The following DPF2 variants were observed in gnomAD, a reference collection of about 807,000 sequenced individuals.
The protein encoded by DPF2 is zinc finger protein ubi-d4.
DPF2 carries 10 observed loss-of-function variants against 59.6 expected under a neutral mutation model. The observed-to-expected ratio is 0.17, with a 90% CI of 0.10 to 0.28. The LOEUF is 0.28. Among genes scored for constraint, DPF2 ranks in the 10% least tolerant of loss-of-function variants. The pLI is 1.00. For synonymous variants in DPF2, 189 were observed against 190.6 expected, an observed-to-expected ratio of 0.99 and a Z score of 0.07; for missense variants, 315 against 509.4, an observed-to-expected ratio of 0.62 and a Z score of 3.67.
chr11:65,336,782 T>A (rs2137681832), intron 1 of DPF2, among the ~76,000 whole-genome samples: 3 of 83,704 alleles, frequency 3.6e-5, no homozygotes, highest in East Asian at 3.9e-4. Flanking sequence ...CAAGACTCCA[T>A]CTCAAAAAAA....
At chr11:65,349,074 C>T (rs568036040) in intron 10 of DPF2, 143 bp downstream of exon 10, 173 of 819,946 alleles carry the variant, frequency 2.1e-4, no homozygotes, top group Non-Finnish European at 3.3e-5. Flanking sequence ...GTTTAGAATG[C>T]CTTCCTAACA....
At chr11:65,343,628 C>A in intron 4 of DPF2, 117 bp from the exon 5 acceptor site, 1 of 851,548 alleles carries the variant, frequency 1.2e-6, no homozygotes, top group Non-Finnish European at 1.9e-6. Context: ...AGGAATGAGG[C>A]TGGTGTGGGT....
chr11:65,342,950 C>T (rs530824512), intron 4 of DPF2, among the ~76,000 whole-genome samples: 2 of 147,518 alleles, frequency 1.4e-5, no homozygotes, highest in Admixed American at 6.9e-5. Context: ...GCCGAGATTG[C>T]GCCACTGCAC....
At chr11:65,341,685 C>G in intron 4 of DPF2, 123 bp downstream of exon 4, 1 of 1,334,536 alleles carries the variant, frequency 7.5e-7, no homozygotes, top group Non-Finnish European at 1.0e-6. Flanking sequence ...CCCTGCAGTT[C>G]TGTTCTTACT....
chr11:65,350,749 C>T (rs1854672388), intron 10 of DPF2, among the ~76,000 whole-genome samples: 1 of 150,620 alleles, frequency 6.6e-6, no homozygotes, highest in South Asian at 2.2e-4. Context: ...AATCCCAGCA[C>T]TTTGGGATCT....
intron 10 of DPF2, among the ~76,000 whole-genome samples, chr11:65,349,713 G>A (rs559205814): frequency 3.9e-4 from 59 of 151,918 alleles, no homozygotes; most frequent in African/African-American, 1.3e-3. Context: ...GGAGAATGGC[G>A]TGAACCCGGG....
chr11:65,336,570 T>TTGACC, intron 1 of DPF2, among the ~76,000 whole-genome samples: 1 of 149,100 alleles, frequency 6.7e-6, no homozygotes, highest in East Asian at 2.0e-4. Flanking sequence ...GGCGGGCAGA[T>TTGACC]CACAAGGTCA....
intron 1 of DPF2, among the ~76,000 whole-genome samples, chr11:65,334,666 G>A (rs1270444793): frequency 1.3e-5 from 2 of 152,226 alleles, no homozygotes; most frequent in African/African-American, 4.8e-5. Flanking sequence ...GTTAATAGCT[G>A]TTGGGGCCAT....
In DPF2 at chr11:65,333,859, C is replaced by T. The variant is rs773178678; in HGVS notation, c.-28C>T. On this transcript the variant is annotated 5_prime_UTR_variant, in exon 1 of 11. Transcript: ENST00000528416. ...CTGCGCGCTGCGGACTGTGGGGCTT[C>T]TCGGCCCGAGGCAGAGGAACAGGGA... 20 of 1,613,540 alleles carry T rather than the reference C, an allele frequency of 1.2e-5. No individual in the cohort carries two copies. In the East Asian group the frequency reaches 3.3e-4, roughly 27 times the overall value.
At chr11:65,349,976 T>A (rs1159301689) in intron 10 of DPF2, among the ~76,000 whole-genome samples, 1 of 152,114 alleles carries the variant, frequency 6.6e-6, no homozygotes, top group East Asian at 1.9e-4. Flanking sequence ...CTCTAGAGAA[T>A]GAGGCCCCTG....
At chr11:65,342,214 C>T (rs1347992210) in intron 4 of DPF2, among the ~76,000 whole-genome samples, 1 of 152,172 alleles carries the variant, frequency 6.6e-6, no homozygotes, top group African/African-American at 2.4e-5. Context: ...TCTGTCTTTG[C>T]TAAACTATTT....
chr11:65,351,851 C>T lies in DPF2; in HGVS notation c.*92C>T. The T allele has an allele frequency of 7.1e-7, 1 of 1,413,956 alleles. No individual in the cohort carries two copies. 87.6% of individuals were successfully genotyped at this position (1,413,956 alleles called of 1,614,324 possible). A position where few individuals can be genotyped will look rare whatever the true frequency, so the allele number is the denominator to read the frequency against. On this transcript the variant is annotated 3_prime_UTR_variant, in exon 11 of 11. Coordinates refer to ENST00000528416, the MANE Select transcript of DPF2 (RefSeq NM_006268.5). ...CCATCTTTCCCTTCTTCCTCCTCTC[C>T]TTCACAAATCCAGAGAACCTTGGGG...
At chr11:65,344,104 C>G (rs1272340739) in intron 6 of DPF2, 35 bp downstream of exon 6, 4 of 1,604,006 alleles carry the variant, frequency 2.5e-6, no homozygotes, top group Non-Finnish European at 3.4e-6. Flanking sequence ...TAGACCTTGC[C>G]TTGGACCCAG....
intron 1 of DPF2, among the ~76,000 whole-genome samples, chr11:65,337,494 T>TAGAG (rs1222306853): frequency 6.4e-5 from 4 of 62,566 alleles, no homozygotes; most frequent in East Asian, 4.7e-4. Flanking sequence ...TATATATATA[T>TAGAG]ATATATATAT....
At chr11:65,337,480 T>C (rs1389578481) in intron 1 of DPF2, among the ~76,000 whole-genome samples, 1 of 33,542 alleles carries the variant, frequency 3.0e-5, no homozygotes, top group Non-Finnish European at 5.2e-5. Flanking sequence ...AAAAAATATA[T>C]ATATATATAT....
In DPF2 at chr11:65,350,997, A is replaced by C. The variant is rs537437160; in HGVS notation, c.1100-686A>C. Among the ~76,000 whole-genome samples, 13 of 151,992 alleles carry C rather than the reference A, an allele frequency of 8.6e-5. No homozygotes were observed. In the South Asian group the frequency reaches 2.5e-3, roughly 29 times the overall value. The stretch of plus-strand genomic sequence containing the variant: ...TCTTGTCTCAGAAAAAAAAAAAATA[A>C]AGGGAGTTAAAAAAAAAATGCATGA... On this transcript the variant is annotated intron_variant, in intron 10 of 10. Transcript: ENST00000528416.
rs1286498639 is a variant in DPF2, at chr11:65,341,085, A to G, written c.301+12A>G. The G allele has an allele frequency of 2.5e-6, 4 of 1,613,484 alleles. No individual in the cohort carries two copies. The highest frequency in any genetic ancestry group is 1.1e-5 in the South Asian group (1 of 91,070). On this transcript the variant is annotated intron_variant, in intron 3 of 10. Coordinates refer to ENST00000528416, the MANE Select transcript of DPF2 (RefSeq NM_006268.5). ...ATCTATTAAGCCAGGTAAGGCACAT[A>G]CTTCCTGAGCAGAGGCGTGGCCTGC...
chr11:65,344,385 G>A, intron 6 of DPF2: 1 of 632,076 alleles, frequency 1.6e-6, no homozygotes, highest in Non-Finnish European at 2.7e-6. Context: ...CAGGGCCCCA[G>A]GGGTCTGACA....
rs1027683238 is a variant in DPF2, at chr11:65,352,410, G to C, written c.*651G>C. The C allele has an allele frequency of 4.6e-5, 7 of 152,842 alleles. No individual in the cohort carries two copies. The allele number at this position is 152,842 out of a possible 1,614,324, so 9.5% of individuals were successfully genotyped here. Reference sequence around the variant, plus strand: ...ACCTTGTTATTCCCATTGCTCTCCTGGCTCACTCTTACGGTCGGTCTCCAG... The same window carrying C: ...ACCTTGTTATTCCCATTGCTCTCCTCGCTCACTCTTACGGTCGGTCTCCAG... On this transcript the variant is annotated 3_prime_UTR_variant, in exon 11 of 11. Transcript: ENST00000528416.
Sources: allele counts gnomAD v4.1 joint callset (sites outside exome capture counted in the v4.1 genomes callset), GRCh38; gene constraint gnomAD v4.1.1; transcripts MANE v1.5; gene names NCBI Gene and HGNC (gene_info 2026-07-23, HGNC 2026-07-21).